PDE4D: variants seen among roughly 807,000 people sequenced by gnomAD.
PDE4D encodes the protein phosphodiesterase 4D, also known as 3',5'-cyclic-AMP phosphodiesterase 4D.
In PDE4D, 24 loss-of-function variants were observed where a neutral mutation model predicts 87.4. The ratio of observed to expected loss-of-function variants is 0.27; its 90% CI spans 0.20 to 0.39. PDE4D has a LOEUF of 0.39. Ranked by LOEUF, PDE4D falls within the 10% of genes least tolerant of loss-of-function variation. The pLI, the probability that PDE4D is intolerant of heterozygous loss-of-function variation, is 1.00. For synonymous variants in PDE4D, 384 were observed against 383.2 expected (o/e 1.00, Z -0.02); for missense variants, 714 against 1,041.0 (o/e 0.69, Z 4.32).
chr5:60,500,362 A>T (rs1750013972), intron 1 of PDE4D, among the ~76,000 whole-genome samples: 1 of 152,176 alleles, frequency 6.6e-6, no homozygotes, highest in Non-Finnish European at 1.5e-5. Flanking sequence ...GGTCCCAAGG[A>T]TGGAAGAAAT....
At chr5:59,688,102 T>C (rs903881939) in intron 1 of PDE4D, among the ~76,000 whole-genome samples, 2 of 151,952 alleles carry the variant, frequency 1.3e-5, no homozygotes, top group Non-Finnish European at 2.9e-5. Context: ...AGACTTAGAC[T>C]CCCACACAAT....
At chr5:60,372,458 C>A (rs888510938) in intron 1 of PDE4D, 1 of 152,254 alleles carries the variant, frequency 6.6e-6, no homozygotes, top group Non-Finnish European at 1.5e-5. Flanking sequence ...GTGGCAGCCT[C>A]TTTTCTCCTG....
intron 1 of PDE4D, among the ~76,000 whole-genome samples, chr5:59,690,392 T>C (rs992167912): frequency 6.6e-6 from 1 of 152,172 alleles, no homozygotes; most frequent in South Asian, 2.1e-4. Flanking sequence ...TGGAACAGAA[T>C]AGAGCCCTCA....
At chr5:59,679,578 G>T (rs1748675275) in intron 1 of PDE4D, among the ~76,000 whole-genome samples, 1 of 152,102 alleles carries the variant, frequency 6.6e-6, no homozygotes, top group South Asian at 2.1e-4. Flanking sequence ...GTTATCTTCT[G>T]TAATCAAGCT....
At position 59,874,574 on chromosome 5, in the gene PDE4D, A is replaced by AT. The variant is rs201989235; in HGVS notation, c.455+18593dup. Among the ~76,000 whole-genome samples the AT allele has an allele frequency of 3.5e-3, 528 of 152,318 alleles. 4 individuals carry two copies. Among genetic ancestry groups the AT allele is most frequent in the African/African-American group, 0.012 (510 of 41,556 alleles). On this transcript the variant is annotated intron_variant, in intron 1 of 14. Transcript: ENST00000340635. ...CTCTACTGGTTATGATTTCTTATCC[A>AT]TTTTAAAAAAAAATAAAGTATTGGG...
At chr5:60,359,105 AATATTGTT>A (rs1452664159) in intron 1 of PDE4D, among the ~76,000 whole-genome samples, 2 of 152,192 alleles carry the variant, frequency 1.3e-5, no homozygotes, top group Admixed American at 6.5e-5. Context: ...GCCTAAACAG[AATATTGTT>A]ATATTGTTAT....
chr5:59,894,786 C>G (rs1258818737), upstream of PDE4D, among the ~76,000 whole-genome samples: 6 of 152,182 alleles, frequency 3.9e-5, no homozygotes, highest in Non-Finnish European at 8.8e-5. Flanking sequence ...CTATGAGGCA[C>G]TAGAATCCAA....
In PDE4D at chr5:59,929,301, G is replaced by A. The variant is rs73761053; in HGVS notation, c.272+59187C>T. 5.6e-3 allele frequency among the ~76,000 whole-genome samples: 801 copies of A among 142,286 alleles called. 4 individuals carry two copies. Among genetic ancestry groups the A allele is most frequent in the African/African-American group, 0.02 (771 of 38,390 alleles). The allele number at this position is 142,286 out of a possible 152,430, so 93.3% of individuals were successfully genotyped here. On this transcript the variant is annotated intron_variant, in intron 3 of 16. Transcript: ENST00000502484. ...TGTCCTTAGGTAATTTATGATATCA[G>A]CTTTAGCAATCTCTGAGGAACCCAA...
rs543973116 is a variant in PDE4D, at chr5:59,346,869, G to A, written c.456-130901C>T. ...AGTCCTTTTCTAGAACCAGTAAGAT[G>A]TGAGATAAACAATTATTTGAGCGAT... On this transcript the variant is annotated intron_variant, in intron 1 of 14. Coordinates refer to ENST00000340635, the MANE Select transcript of PDE4D (RefSeq NM_001104631.2). 2.0e-5 allele frequency among the ~76,000 whole-genome samples: 3 copies of A among 152,304 alleles called. No individual in the cohort carries two copies. In the South Asian group the frequency reaches 6.2e-4, roughly 32 times the overall value.
chr5:60,336,792 T>C (rs1482147401), intron 1 of PDE4D, among the ~76,000 whole-genome samples: 1 of 152,202 alleles, frequency 6.6e-6, no homozygotes, highest in Admixed American at 6.5e-5. Context: ...GTTCCCACAC[T>C]GGCAATACCC....
chr5:59,788,715 G>C (rs1249661176), intron 1 of PDE4D, among the ~76,000 whole-genome samples: 1 of 152,186 alleles, frequency 6.6e-6, no homozygotes, highest in Admixed American at 6.5e-5. Flanking sequence ...TAATGAAATA[G>C]ATTGTGTAGA....
chr5:60,389,325 G>T (rs1762414115), intron 1 of PDE4D, among the ~76,000 whole-genome samples: 1 of 152,026 alleles, frequency 6.6e-6, no homozygotes, highest in Non-Finnish European at 1.5e-5. Flanking sequence ...GTATTCAAAA[G>T]GTTGGCATAT....
At chr5:60,218,017 C>T (rs1744063502) in intron 1 of PDE4D, among the ~76,000 whole-genome samples, 1 of 151,890 alleles carries the variant, frequency 6.6e-6, no homozygotes, top group Non-Finnish European at 1.5e-5. Context: ...ATTATGTCTA[C>T]CCTACAAACC....
rs1263039160 is a variant in PDE4D, at chr5:58,975,460, A to AAT, written c.2013+195_2013+196dup. Reference sequence around the variant, plus strand: ...TCATAATAAATGAATATGTCTTTAGAATATATATATGACTATATGAATGTA... The same window carrying AAT: ...TCATAATAAATGAATATGTCTTTAGAATATATATATATGACTATATGAATGTA... On this transcript the variant is annotated intron_variant, in intron 14 of 14. Coordinates refer to ENST00000340635, the MANE Select transcript of PDE4D (RefSeq NM_001104631.2). The surrounding 1 kb of genome is among the most constrained non-coding windows in gnomAD (Gnocchi z 4.2). 6.6e-6 allele frequency among the ~76,000 whole-genome samples: 1 copy of AAT among 152,196 alleles called. No individual in the cohort carries two copies. The highest frequency in any genetic ancestry group is 1.9e-4 in the East Asian group (1 of 5,200).
chr5:60,059,343 T>A (rs1022888702), intron 2 of PDE4D, among the ~76,000 whole-genome samples: 7 of 151,956 alleles, frequency 4.6e-5, no homozygotes, highest in African/African-American at 1.7e-4. Context: ...TTACATAATA[T>A]CTTGTGTGAA....
chr5:60,326,093 T>C (rs1756763387), intron 1 of PDE4D, among the ~76,000 whole-genome samples: 1 of 152,104 alleles, frequency 6.6e-6, no homozygotes, highest in African/African-American at 2.4e-5. Context: ...TTGCTTCCAG[T>C]TTTAGGCGAT....
At chr5:59,947,938 T>A (rs2916868) in intron 3 of PDE4D, among the ~76,000 whole-genome samples, 1 of 151,846 alleles carries the variant, frequency 6.6e-6, no homozygotes, top group African/African-American at 2.4e-5. Flanking sequence ...ACCCAAGAGG[T>A]GGAGGTTGCA....
At chr5:60,168,289 G>T (rs1264943816) in intron 2 of PDE4D, among the ~76,000 whole-genome samples, 1 of 152,196 alleles carries the variant, frequency 6.6e-6, no homozygotes, top group Admixed American at 6.5e-5. Context: ...CCTGGATAGG[G>T]GTTCAGAGCA....
intron 6 of PDE4D, chr5:58,999,551 A>G: frequency 3.6e-6 from 4 of 1,118,066 alleles, no homozygotes; most frequent in Non-Finnish European, 3.5e-6. Flanking sequence ...GATTGATTAT[A>G]TGTATATATA....
Sources: allele counts gnomAD v4.1 joint callset (sites outside exome capture counted in the v4.1 genomes callset), GRCh38; gene constraint gnomAD v4.1.1; non-coding constraint Gnocchi (gnomAD v3.1); transcripts MANE v1.5; gene names NCBI Gene and HGNC (gene_info 2026-07-23, HGNC 2026-07-21).